The following SLC24A2 variants were observed in gnomAD, a reference collection of about 807,000 sequenced individuals.
SLC24A2 encodes the protein sodium/potassium/calcium exchanger 2.
SLC24A2 carries 36 observed loss-of-function variants against 62.0 expected under a neutral mutation model. The ratio of observed to expected loss-of-function variants is 0.58; its 90% CI spans 0.44 to 0.77. The LOEUF (loss-of-function observed/expected upper bound fraction) is 0.77. Among genes scored for constraint, SLC24A2 ranks in the 30% least tolerant of loss-of-function variants. SLC24A2 has a pLI of 0.00. For missense variants in SLC24A2, 846 were observed against 817.9 expected, an observed-to-expected ratio of 1.03 and a Z score of -0.42; for synonymous variants, 358 against 294.0, an observed-to-expected ratio of 1.22 and a Z score of -2.23.
At chr9:19,604,502 G>C (rs1482836994) in intron 4 of SLC24A2, among the ~76,000 whole-genome samples, 2 of 152,170 alleles carry the variant, frequency 1.3e-5, no homozygotes, top group East Asian at 1.9e-4. Flanking sequence ...GTTTTTGCTA[G>C]GCAAAGAGAA....
chr9:19,685,116 A>G (rs928283068), intron 2 of SLC24A2, among the ~76,000 whole-genome samples: 1 of 152,074 alleles, frequency 6.6e-6, no homozygotes. Flanking sequence ...AACACCAACA[A>G]TGTCTAAGCT....
the SLC24A2 span, among the ~76,000 whole-genome samples, chr9:20,045,419 C>A: frequency 0.035 from 5,316 of 151,684 alleles, 103 homozygotes; most frequent in South Asian, 0.071. Context: ...AAAGGAACAC[C>A]TTATTATTAT....
chr9:19,663,485 T>C (rs1819161813), intron 2 of SLC24A2, among the ~76,000 whole-genome samples: 1 of 152,114 alleles, frequency 6.6e-6, no homozygotes, highest in Admixed American at 6.5e-5. Context: ...CTGTCAACTG[T>C]GAACGGTAGT....
chr9:19,654,449 A>G (rs1012507520), intron 2 of SLC24A2, among the ~76,000 whole-genome samples: 13 of 152,062 alleles, frequency 8.5e-5, no homozygotes, highest in African/African-American at 1.7e-4. Flanking sequence ...TTTCTCCTCA[A>G]CTGGTTAGTG....
the SLC24A2 span, among the ~76,000 whole-genome samples, chr9:20,021,805 G>A: frequency 1.3e-5 from 2 of 151,840 alleles, no homozygotes; most frequent in Admixed American, 6.6e-5. Flanking sequence ...TTATTAGCAG[G>A]AGAAGCCACT....
chr9:20,284,279 G>T, the SLC24A2 span, among the ~76,000 whole-genome samples: 1 of 115,920 alleles, frequency 8.6e-6, no homozygotes, highest in East Asian at 2.4e-4. Context: ...GTGTTTTCAG[G>T]TATTTTTTTT....
the SLC24A2 span, among the ~76,000 whole-genome samples, chr9:20,236,692 C>T: frequency 6.6e-6 from 1 of 152,136 alleles, no homozygotes; most frequent in African/African-American, 2.4e-5. Flanking sequence ...AAAAAAGACA[C>T]TAGTATCCTG....
At chr9:20,106,724 A>C in the SLC24A2 span, among the ~76,000 whole-genome samples, 1 of 152,180 alleles carries the variant, frequency 6.6e-6, no homozygotes, top group Non-Finnish European at 1.5e-5. Flanking sequence ...TATCTATGAC[A>C]AACCCACAGC....
the SLC24A2 span, among the ~76,000 whole-genome samples, chr9:20,270,905 G>A: frequency 5.9e-5 from 9 of 152,190 alleles, no homozygotes; most frequent in Middle Eastern, 6.8e-3. Context: ...TTAAATAAAT[G>A]GGGCACAGAG....
chr9:20,020,611 A>G, the SLC24A2 span, among the ~76,000 whole-genome samples: 1 of 152,178 alleles, frequency 6.6e-6, no homozygotes, highest in African/African-American at 2.4e-5. Context: ...TTGGAGAAAT[A>G]CCTATTGTAG....
At chr9:19,866,819 T>C in the SLC24A2 span, among the ~76,000 whole-genome samples, 5 of 151,920 alleles carry the variant, frequency 3.3e-5, no homozygotes, top group African/African-American at 1.2e-4. Context: ...GTATTTTTAG[T>C]AGAGACGGGG....
intron 2 of SLC24A2, among the ~76,000 whole-genome samples, chr9:19,710,337 T>C (rs1317801477): frequency 6.6e-6 from 1 of 152,050 alleles, no homozygotes; most frequent in South Asian, 2.1e-4. Flanking sequence ...TTACCTGCAG[T>C]GTCACAAGTG....
the SLC24A2 span, among the ~76,000 whole-genome samples, chr9:20,228,416 G>T: frequency 6.6e-6 from 1 of 152,002 alleles, no homozygotes; most frequent in African/African-American, 2.4e-5. Flanking sequence ...CCCAGAGAAG[G>T]AACACTGATG....
the SLC24A2 span, among the ~76,000 whole-genome samples, chr9:19,838,515 T>C: frequency 6.6e-6 from 1 of 151,054 alleles, no homozygotes; most frequent in African/African-American, 2.4e-5. Flanking sequence ...AGCACACGCC[T>C]GTAATCCCAG....
chr9:19,904,979 G>A, the SLC24A2 span, among the ~76,000 whole-genome samples: 2 of 152,144 alleles, frequency 1.3e-5, no homozygotes, highest in Admixed American at 1.3e-4. Context: ...AAGGAAAAAG[G>A]AAAAGGATCA....
chr9:19,591,984 G>A (rs1836566261), intron 5 of SLC24A2, among the ~76,000 whole-genome samples: 1 of 152,166 alleles, frequency 6.6e-6, no homozygotes, highest in South Asian at 2.1e-4. Context: ...TTATTTAGTT[G>A]ATATATCCTG....
the SLC24A2 span, among the ~76,000 whole-genome samples, chr9:20,193,848 T>C: frequency 6.6e-6 from 1 of 152,130 alleles, no homozygotes; most frequent in African/African-American, 2.4e-5. Context: ...TTTTTAAATA[T>C]GGCAAAATGA....
intron 8 of SLC24A2, among the ~76,000 whole-genome samples, chr9:19,529,779 C>G (rs1375408835): frequency 7.1e-6 from 1 of 141,414 alleles, no homozygotes; most frequent in Non-Finnish European, 1.5e-5. Flanking sequence ...AAGATGGAGT[C>G]TCACTCGGTC....
chr9:20,080,810 G>A, the SLC24A2 span, among the ~76,000 whole-genome samples: 4 of 151,678 alleles, frequency 2.6e-5, no homozygotes, highest in East Asian at 7.8e-4. Context: ...ATCAAAAAGT[G>A]GGCGAAGGAT....
Sources: allele counts gnomAD v4.1 joint callset (sites outside exome capture counted in the v4.1 genomes callset), GRCh38; gene constraint gnomAD v4.1.1; transcripts MANE v1.5; gene names NCBI Gene and HGNC (gene_info 2026-07-23, HGNC 2026-07-21).